Variants in CDYL2 observed in about 807,000 individuals in gnomAD.
The protein encoded by CDYL2 is chromodomain Y-like protein 2.
In CDYL2, 23 loss-of-function variants were observed where a neutral mutation model predicts 49.4. That is an observed-to-expected ratio of 0.47 (90% confidence interval 0.34 to 0.66). The LOEUF (loss-of-function observed/expected upper bound fraction) is 0.66. Among genes scored for constraint, CDYL2 ranks in the 30% least tolerant of loss-of-function variants. The probability of loss-of-function intolerance (pLI) is 0.01; values close to 1 mark genes in which losing one functional copy is unlikely to be tolerated. For missense variants in CDYL2, 678 were observed against 656.4 expected (o/e 1.03, Z -0.36); for synonymous variants, 360 against 268.8 (o/e 1.34, Z -3.32).
chr16:80,769,763 A>G (rs191447458), intron 1 of CDYL2, among the ~76,000 whole-genome samples: 132 of 152,340 alleles, frequency 8.7e-4, no homozygotes, highest in African/African-American at 3.0e-3. Context: ...TAATAACAAT[A>G]ATAAGGTATT....
chr16:80,790,072 C>T (rs367987926), intron 1 of CDYL2, among the ~76,000 whole-genome samples: 19 of 152,110 alleles, frequency 1.2e-4, no homozygotes, highest in African/African-American at 2.2e-4. Flanking sequence ...TAATAGCAAA[C>T]GCTATTATAA....
chr16:80,622,356 G>A (rs1397741487), intron 3 of CDYL2, among the ~76,000 whole-genome samples: 2 of 152,158 alleles, frequency 1.3e-5, no homozygotes, highest in Non-Finnish European at 2.9e-5. Flanking sequence ...TTGTGGGGTT[G>A]CCCAGGCTCC....
At chr16:80,757,930 T>C (rs1906370474) in intron 1 of CDYL2, among the ~76,000 whole-genome samples, 1 of 152,162 alleles carries the variant, frequency 6.6e-6, no homozygotes, top group Non-Finnish European at 1.5e-5. Context: ...ATTGACTCCA[T>C]AAATTCATAT....
intron 3 of CDYL2, among the ~76,000 whole-genome samples, chr16:80,622,167 GAGA>G (rs1362345597): frequency 1.3e-5 from 2 of 152,300 alleles, no homozygotes; most frequent in African/African-American, 2.4e-5. Context: ...TCCATTTATG[GAGA>G]AGGAGAGGAC....
chr16:80,672,541 AAAGG>A (rs1437871583), intron 2 of CDYL2, among the ~76,000 whole-genome samples: 10 of 67,854 alleles, frequency 1.5e-4, no homozygotes, highest in African/African-American at 3.9e-4. Context: ...AAGGAAAAGG[AAAGG>A]AAAGGAAAGG....
chr16:80,688,955 G>T (rs73593015), intron 1 of CDYL2, among the ~76,000 whole-genome samples: 49 of 152,260 alleles, frequency 3.2e-4, no homozygotes, highest in African/African-American at 1.1e-3. Context: ...GGTCCTGGCA[G>T]CTCTGTCTCT....
At chr16:80,640,003 C>A (rs1250534163) in intron 2 of CDYL2, among the ~76,000 whole-genome samples, 2 of 152,156 alleles carry the variant, frequency 1.3e-5, no homozygotes, top group African/African-American at 2.4e-5. Context: ...GGATAAAGTG[C>A]TCTGGGGCCC....
chr16:80,753,381 G>C (rs1906200948), intron 1 of CDYL2, among the ~76,000 whole-genome samples: 1 of 152,104 alleles, frequency 6.6e-6, no homozygotes, highest in South Asian at 2.1e-4. Context: ...GGGCGAGGTG[G>C]GCGGATCACC....
intron 1 of CDYL2, among the ~76,000 whole-genome samples, chr16:80,795,625 C>A (rs146563229): frequency 6.6e-6 from 1 of 152,150 alleles, no homozygotes; most frequent in African/African-American, 2.4e-5. Context: ...CCACCATTCA[C>A]CAACCTACCA....
chr16:80,736,884 GATTT>G (rs1034875210), intron 1 of CDYL2, among the ~76,000 whole-genome samples: 113 of 152,286 alleles, frequency 7.4e-4, no homozygotes, highest in African/African-American at 2.6e-3. Flanking sequence ...CTTGCACATG[GATTT>G]ATTATCTAAT....
intron 1 of CDYL2, among the ~76,000 whole-genome samples, chr16:80,685,728 T>C (rs1249302919): frequency 6.6e-6 from 1 of 152,160 alleles, no homozygotes; most frequent in Admixed American, 6.5e-5. Flanking sequence ...CTATCCCCAA[T>C]TTACAGTCAG....
intron 1 of CDYL2, among the ~76,000 whole-genome samples, chr16:80,737,533 C>T (rs544630665): frequency 5.3e-5 from 8 of 152,306 alleles, no homozygotes; most frequent in African/African-American, 1.9e-4. Context: ...GTGAGCATGG[C>T]TCTTCATACC....
chr16:80,710,065 T>C (rs551747517), intron 1 of CDYL2, among the ~76,000 whole-genome samples: 2 of 152,186 alleles, frequency 1.3e-5, no homozygotes. Flanking sequence ...GTAGCTGGGA[T>C]TACAGGCACG....
At chr16:80,678,856 C>A (rs936676491) in intron 2 of CDYL2, among the ~76,000 whole-genome samples, 19 of 151,104 alleles carry the variant, frequency 1.3e-4, no homozygotes, top group African/African-American at 4.4e-4. Flanking sequence ...AGACTTGGAA[C>A]CAGCCCAAAT....
intron 3 of CDYL2, among the ~76,000 whole-genome samples, chr16:80,626,207 G>A (rs188151582): frequency 6.7e-6 from 1 of 149,160 alleles, no homozygotes; most frequent in Non-Finnish European, 1.5e-5. Context: ...AGGATGGGAG[G>A]CAGAGGTTGC....
intron 1 of CDYL2, among the ~76,000 whole-genome samples, chr16:80,713,613 G>A (rs763635064): frequency 6.6e-6 from 1 of 152,098 alleles, no homozygotes; most frequent in Admixed American, 6.6e-5. Context: ...TTGCACAGAT[G>A]AACACATTAA....
At chr16:80,661,009 C>T (rs1909021061) in intron 2 of CDYL2, among the ~76,000 whole-genome samples, 1 of 152,116 alleles carries the variant, frequency 6.6e-6, no homozygotes, top group South Asian at 2.1e-4. Flanking sequence ...GGTGAGGCCA[C>T]AGAGCCTGAG....
chr16:80,619,333 C>G (rs963546423), intron 4 of CDYL2, among the ~76,000 whole-genome samples: 5 of 152,170 alleles, frequency 3.3e-5, no homozygotes, highest in African/African-American at 1.2e-4. Context: ...TTTTGGGGGC[C>G]ACACTTCAAC....
chr16:80,723,116 G>A (rs1905054029), intron 1 of CDYL2, among the ~76,000 whole-genome samples: 1 of 152,190 alleles, frequency 6.6e-6, no homozygotes, highest in Non-Finnish European at 1.5e-5. Context: ...ACCTCCCTGG[G>A]CTACCCATTT....
Sources: gnomAD v4.1 joint callset for allele counts (sites outside exome capture counted in the v4.1 genomes callset) on GRCh38, gnomAD v4.1.1 for gene constraint, MANE v1.5 for transcripts, NCBI Gene and HGNC (gene_info 2026-07-23, HGNC 2026-07-21) for gene names.